The following SYNDIG1 variants were observed in gnomAD, a reference collection of about 807,000 sequenced individuals.
SYNDIG1 encodes synapse differentiation inducing 1, also known as synapse differentiation-inducing gene protein 1.
Under a neutral mutation model 19.4 loss-of-function variants are expected in SYNDIG1, and 9 were observed. That is an observed-to-expected ratio of 0.46 (90% CI 0.28 to 0.81). The LOEUF (loss-of-function observed/expected upper bound fraction) is 0.81. Among genes scored for constraint, SYNDIG1 ranks in the 30% least tolerant of loss-of-function variants. The probability of loss-of-function intolerance (pLI) is 0.12; values close to 1 mark genes in which losing one functional copy is unlikely to be tolerated. For missense variants in SYNDIG1, 311 were observed against 343.3 expected (o/e 0.91, Z 0.74); for synonymous variants, 141 against 145.9 (o/e 0.97, Z 0.24).
At chr20:24,507,234 C>T (rs938122591) in intron 1 of SYNDIG1, among the ~76,000 whole-genome samples, 2 of 152,352 alleles carry the variant, frequency 1.3e-5, no homozygotes, top group African/African-American at 4.8e-5. Flanking sequence ...CCCCCACAGC[C>T]TGCCAAGCCT....
chr20:24,578,154 G>A (rs1037377460), intron 2 of SYNDIG1, among the ~76,000 whole-genome samples: 2 of 152,190 alleles, frequency 1.3e-5, no homozygotes, highest in African/African-American at 4.8e-5. Flanking sequence ...TTAGAGGAAG[G>A]GAGTCGGGAT....
intron 3 of SYNDIG1, among the ~76,000 whole-genome samples, chr20:24,612,418 T>G (rs919326476): frequency 3.3e-5 from 5 of 152,172 alleles, no homozygotes; most frequent in African/African-American, 4.8e-5. Context: ...CTTGTGCCTT[T>G]GTCTTAAAGC....
intron 3 of SYNDIG1, among the ~76,000 whole-genome samples, chr20:24,590,308 T>G (rs1456031152): frequency 3.3e-3 from 306 of 93,678 alleles, no homozygotes; most frequent in African/African-American, 4.5e-3. Context: ...GGGTGTGGAG[T>G]GGGGAATGGG....
chr20:24,523,649 A>G (rs1162751743), intron 1 of SYNDIG1, among the ~76,000 whole-genome samples: 2 of 152,228 alleles, frequency 1.3e-5, no homozygotes, highest in Admixed American at 1.3e-4. Context: ...ACAGCTGTGT[A>G]AAATGACGGG....
chr20:24,517,080 T>A (rs1448747694), intron 1 of SYNDIG1, among the ~76,000 whole-genome samples: 1 of 151,896 alleles, frequency 6.6e-6, no homozygotes, highest in Non-Finnish European at 1.5e-5. Context: ...ATGTTCTCAA[T>A]CATAGGTGGG....
intron 3 of SYNDIG1, among the ~76,000 whole-genome samples, chr20:24,631,866 T>A (rs1228167830): frequency 6.6e-6 from 1 of 152,240 alleles, no homozygotes; most frequent in African/African-American, 2.4e-5. Flanking sequence ...AGTTCTATAC[T>A]CTACTATCAC....
intron 3 of SYNDIG1, among the ~76,000 whole-genome samples, chr20:24,661,551 G>GA (rs1568723459): frequency 8.3e-6 from 1 of 120,288 alleles, no homozygotes. Context: ...GAGGGAGGGA[G>GA]GAAAAAAGAG....
chr20:24,568,171 A>G (rs1443731235), intron 2 of SYNDIG1, among the ~76,000 whole-genome samples: 1 of 152,078 alleles, frequency 6.6e-6, no homozygotes, highest in Non-Finnish European at 1.5e-5. Flanking sequence ...AGAAAAAGAA[A>G]TGCAGCAGCT....
intron 1 of SYNDIG1, among the ~76,000 whole-genome samples, chr20:24,534,560 A>G (rs886209534): frequency 2.0e-5 from 3 of 152,242 alleles, no homozygotes; most frequent in African/African-American, 7.2e-5. Flanking sequence ...CACCCCGTTC[A>G]GGGCTTGCCG....
chr20:24,607,278 T>C (rs2147154449), intron 3 of SYNDIG1, among the ~76,000 whole-genome samples: 1 of 151,422 alleles, frequency 6.6e-6, no homozygotes, highest in Non-Finnish European at 1.5e-5. Flanking sequence ...GGAGCATTGC[T>C]TGAACCCAGG....
chr20:24,603,169 C>T (rs1445970885), intron 3 of SYNDIG1, among the ~76,000 whole-genome samples: 1 of 152,090 alleles, frequency 6.6e-6, no homozygotes, highest in Non-Finnish European at 1.5e-5. Context: ...TGTGCACACC[C>T]GTGTTCTGCT....
intron 3 of SYNDIG1, among the ~76,000 whole-genome samples, chr20:24,664,834 T>C (rs541901750): frequency 7.9e-5 from 12 of 152,260 alleles, no homozygotes; most frequent in Non-Finnish European, 1.5e-4. Flanking sequence ...TTCATGATCT[T>C]ATGCCGGAGT....
At chr20:24,484,133 C>G (rs1299704545) in intron 1 of SYNDIG1, among the ~76,000 whole-genome samples, 1 of 152,022 alleles carries the variant, frequency 6.6e-6, no homozygotes, top group Admixed American at 6.6e-5. Context: ...AAGTGCAGTC[C>G]TGGCTACCTA....
intron 1 of SYNDIG1, among the ~76,000 whole-genome samples, chr20:24,473,077 C>T (rs6114736): frequency 0.13 from 20,271 of 152,010 alleles, 3,631 homozygotes; most frequent in African/African-American, 0.41. Context: ...GTAAATGTAC[C>T]GCTGTGGCCC....
At chr20:24,547,569 C>G (rs1027106037) in intron 2 of SYNDIG1, among the ~76,000 whole-genome samples, 1 of 152,098 alleles carries the variant, frequency 6.6e-6, no homozygotes, top group Non-Finnish European at 1.5e-5. Flanking sequence ...AGTGCCACTG[C>G]GCTCAGGGTG....
At chr20:24,485,073 T>C (rs2055918151) in intron 1 of SYNDIG1, among the ~76,000 whole-genome samples, 1 of 148,894 alleles carries the variant, frequency 6.7e-6, no homozygotes, top group Admixed American at 6.6e-5. Flanking sequence ...CTTTTGACCG[T>C]CTCTGCCATG....
At chr20:24,497,835 T>C (rs2056340451) in intron 1 of SYNDIG1, among the ~76,000 whole-genome samples, 1 of 152,254 alleles carries the variant, frequency 6.6e-6, no homozygotes, top group South Asian at 2.1e-4. Flanking sequence ...GATCATGCAC[T>C]ATTCTGGTTT....
rs763909114 is a variant in SYNDIG1, at chr20:24,665,400, C to T, written c.673C>T (p.Arg225Trp). Reference sequence around the variant, plus strand: ...GCACCAGGCCAGCACCAGCTCCCGGCGGGCCCTATTCCTGGCAGTGCTGTC... The same window carrying T: ...GCACCAGGCCAGCACCAGCTCCCGGTGGGCCCTATTCCTGGCAGTGCTGTC... Reference protein sequence around the residue: ...DLHQASTSSRRALFLAVLSIT... With the variant: ...DLHQASTSSRWALFLAVLSIT... The change falls in exon 4 of 4, where the codon CGG (arginine) becomes TGG (tryptophan). Residue 225 changes from arginine to tryptophan, a missense_variant. Coordinates refer to ENST00000376862, the MANE Select transcript of SYNDIG1 (RefSeq NM_024893.3). 101 of 1,612,038 alleles carry T rather than the reference C, an allele frequency of 6.3e-5. No individual in the cohort carries two copies. Among genetic ancestry groups the T allele is most frequent in the Non-Finnish European group, 8.0e-5 (94 of 1,179,344 alleles).
chr20:24,619,388 C>T (rs2059001813), intron 3 of SYNDIG1, among the ~76,000 whole-genome samples: 2 of 152,216 alleles, frequency 1.3e-5, no homozygotes, highest in Non-Finnish European at 2.9e-5. Context: ...ATCATCAAGT[C>T]TGTTCTCTTT....
Sources: allele counts gnomAD v4.1 joint callset (sites outside exome capture counted in the v4.1 genomes callset), GRCh38; gene constraint gnomAD v4.1.1; transcripts MANE v1.5; gene names NCBI Gene and HGNC (gene_info 2026-07-23, HGNC 2026-07-21).